NRXN1: variants seen among roughly 807,000 people sequenced by gnomAD.
NRXN1 encodes neurexin-1.
In NRXN1, 39 loss-of-function variants were observed where a neutral mutation model predicts 150.9. The ratio of observed to expected loss-of-function variants is 0.26; its 90% CI spans 0.20 to 0.34. The LOEUF is 0.34. Ranked by LOEUF, NRXN1 falls within the 10% of genes least tolerant of loss-of-function variation. The pLI, the probability that NRXN1 is intolerant of heterozygous loss-of-function variation, is 1.00. For synonymous variants in NRXN1, 924 were observed against 757.0 expected (o/e 1.22, Z -3.62); for missense variants, 1,815 against 1,949.9 (o/e 0.93, Z 1.30).
intron 5 of NRXN1, among the ~76,000 whole-genome samples, chr2:50,762,038 T>G (rs991256401): frequency 6.6e-6 from 1 of 151,814 alleles, no homozygotes; most frequent in African/African-American, 2.4e-5. Context: ...GCTCCTCATC[T>G]TGCAGAAGGC....
At chr2:50,727,925 G>C (rs1018574959) in intron 5 of NRXN1, among the ~76,000 whole-genome samples, 1 of 152,068 alleles carries the variant, frequency 6.6e-6, no homozygotes, top group Admixed American at 6.6e-5. Flanking sequence ...TTAAGCCACA[G>C]GGTATCTCTT....
intron 18 of NRXN1, among the ~76,000 whole-genome samples, chr2:50,170,599 C>T (rs917148273): frequency 6.6e-6 from 1 of 152,086 alleles, no homozygotes; most frequent in Admixed American, 6.6e-5. Flanking sequence ...GCACAGCCAT[C>T]ATTAGAGCTG....
chr2:50,195,421 T>C (rs535705166), intron 18 of NRXN1, among the ~76,000 whole-genome samples: 1 of 152,326 alleles, frequency 6.6e-6, no homozygotes, highest in South Asian at 2.1e-4. Flanking sequence ...CATTTTGTGC[T>C]AAATTTTAAC....
At chr2:49,923,908 G>A (rs574800909) in intron 22 of NRXN1, among the ~76,000 whole-genome samples, 9 of 152,294 alleles carry the variant, frequency 5.9e-5, no homozygotes, top group Non-Finnish European at 1.2e-4. Flanking sequence ...AAAAGCCCAC[G>A]GAGTGTGGCT....
intron 21 of NRXN1, among the ~76,000 whole-genome samples, chr2:49,991,087 T>C (rs927342176): frequency 3.9e-5 from 6 of 152,124 alleles, no homozygotes; most frequent in African/African-American, 1.2e-4. Flanking sequence ...CTTCCTCAAA[T>C]TGATAAAGAA....
At chr2:50,988,179 G>A (rs1025758436) in intron 2 of NRXN1, among the ~76,000 whole-genome samples, 2 of 151,904 alleles carry the variant, frequency 1.3e-5, no homozygotes, top group Non-Finnish European at 2.9e-5. Flanking sequence ...TTTACCACAT[G>A]AGTCTTGTCG....
At chr2:50,387,026 T>G (rs544865058) in intron 17 of NRXN1, among the ~76,000 whole-genome samples, 27 of 152,294 alleles carry the variant, frequency 1.8e-4, no homozygotes, top group African/African-American at 6.3e-4. Context: ...TAGCATTCCT[T>G]GCTTCATTGC....
intron 2 of NRXN1, among the ~76,000 whole-genome samples, chr2:50,933,138 G>A (rs1036474901): frequency 1.3e-5 from 2 of 152,028 alleles, no homozygotes; most frequent in African/African-American, 2.4e-5. Flanking sequence ...TTACCCATGG[G>A]CATTCTAACC....
At chr2:50,369,814 G>C (rs1481476939) in intron 17 of NRXN1, among the ~76,000 whole-genome samples, 1 of 151,962 alleles carries the variant, frequency 6.6e-6, no homozygotes, top group Non-Finnish European at 1.5e-5. Context: ...TGAATGTACG[G>C]AGACTGGTCA....
intron 18 of NRXN1, among the ~76,000 whole-genome samples, chr2:50,152,887 A>T (rs2058776584): frequency 6.6e-6 from 1 of 151,628 alleles, no homozygotes; most frequent in Non-Finnish European, 1.5e-5. Context: ...ATTTTCAGGT[A>T]TTATTTTTTT....
chr2:50,084,570 G>A (rs1380675090), intron 19 of NRXN1, among the ~76,000 whole-genome samples: 3 of 152,216 alleles, frequency 2.0e-5, no homozygotes, highest in East Asian at 1.9e-4. Flanking sequence ...ACGCAGCCCC[G>A]GTTCCCGCCC....
At chr2:50,838,728 C>A (rs566527881) in intron 5 of NRXN1, among the ~76,000 whole-genome samples, 1 of 152,116 alleles carries the variant, frequency 6.6e-6, no homozygotes, top group East Asian at 1.9e-4. Flanking sequence ...CAAGGACCAC[C>A]AGGGAAAACC....
At chr2:50,855,928 C>T (rs1442750614) in intron 5 of NRXN1, among the ~76,000 whole-genome samples, 2 of 151,772 alleles carry the variant, frequency 1.3e-5, no homozygotes, top group African/African-American at 4.8e-5. Context: ...ACAAAAAGTC[C>T]ATGTTAGAAT....
chr2:50,525,730 A>T (rs2092933571), intron 12 of NRXN1, among the ~76,000 whole-genome samples: 1 of 152,242 alleles, frequency 6.6e-6, no homozygotes, highest in Non-Finnish European at 1.5e-5. Flanking sequence ...CCCTATCTAT[A>T]GCTGAAAATA....
In NRXN1 at chr2:50,554,934, G is replaced by T. The variant is rs1006857298; in HGVS notation, c.1321-1909C>A. 2.6e-5 allele frequency among the ~76,000 whole-genome samples: 4 copies of T among 151,978 alleles called. No individual in the cohort carries two copies. The East Asian group carries it at 7.7e-4, about 29-fold the overall frequency. On this transcript the variant is annotated intron_variant, in intron 8 of 22. Coordinates refer to ENST00000401669, the MANE Select transcript of NRXN1 (RefSeq NM_001330078.2). ...AAATGAACTTGAGCAATAACAAAAAGGAATTACATTAATTCTTAAGAATAC... is the reference window on the plus strand; with the variant it reads ...AAATGAACTTGAGCAATAACAAAAATGAATTACATTAATTCTTAAGAATAC...
At chr2:50,182,742 A>G (rs1270033569) in intron 18 of NRXN1, among the ~76,000 whole-genome samples, 1 of 152,092 alleles carries the variant, frequency 6.6e-6, no homozygotes, top group African/African-American at 2.4e-5. Context: ...ATGTCTTTAT[A>G]ATAGAGTCAA....
chr2:50,242,656 G>C (rs749764697), intron 17 of NRXN1, among the ~76,000 whole-genome samples: 1 of 151,654 alleles, frequency 6.6e-6, no homozygotes, highest in Non-Finnish European at 1.5e-5. Context: ...CTAATATTGA[G>C]AAGTAAGGCA....
At chr2:50,675,223 A>G (rs1055889157) in intron 5 of NRXN1, among the ~76,000 whole-genome samples, 1 of 152,120 alleles carries the variant, frequency 6.6e-6, no homozygotes, top group Non-Finnish European at 1.5e-5. Flanking sequence ...AGTCTCAGGT[A>G]TTGACTTACA....
intron 21 of NRXN1, among the ~76,000 whole-genome samples, chr2:50,026,025 C>G (rs906438104): frequency 2.0e-5 from 3 of 152,160 alleles, no homozygotes; most frequent in African/African-American, 7.2e-5. Flanking sequence ...ATATTAATCT[C>G]TTTATTTTCC....
Sources: allele counts gnomAD v4.1 joint callset (sites outside exome capture counted in the v4.1 genomes callset), GRCh38; gene constraint gnomAD v4.1.1; transcripts MANE v1.5; gene names NCBI Gene and HGNC (gene_info 2026-07-23, HGNC 2026-07-21).